Variants in RBFOX3 observed in about 807,000 individuals in gnomAD.
The protein encoded by RBFOX3 is RNA binding fox-1 homolog 3, also known as RNA binding protein fox-1 homolog 3.
RBFOX3 carries 17 observed loss-of-function variants against 48.7 expected under a neutral mutation model. The observed-to-expected ratio is 0.35, with a 90% CI of 0.24 to 0.52. The LOEUF is 0.52. Among genes scored for constraint, RBFOX3 ranks in the 20% least tolerant of loss-of-function variants. The probability of loss-of-function intolerance (pLI) is 0.94; values close to 1 mark genes in which losing one functional copy is unlikely to be tolerated. For missense variants in RBFOX3, 382 were observed against 497.5 expected (o/e 0.77, Z 2.21); for synonymous variants, 212 against 209.5 (o/e 1.01, Z -0.10).
chr17:79,470,254 C>T, intron 2 of RBFOX3, among the ~76,000 whole-genome samples: 1 of 152,222 alleles, frequency 6.6e-6, no homozygotes, highest in East Asian at 1.9e-4. Context: ...CAGTGGCCCA[C>T]ATGTGTGTAC....
intron 2 of RBFOX3, among the ~76,000 whole-genome samples, chr17:79,336,139 C>A (rs141408706): frequency 1.5e-4 from 23 of 152,284 alleles, no homozygotes; most frequent in African/African-American, 4.8e-4. Context: ...GTAATCCCAG[C>A]ACTTTGAGAG....
the RBFOX3 span, among the ~76,000 whole-genome samples, chr17:79,660,971 C>A: frequency 3.3e-5 from 5 of 152,160 alleles, no homozygotes; most frequent in African/African-American, 1.2e-4. Flanking sequence ...GAGAACATGT[C>A]CTTTGCTGGG....
At chr17:79,323,996 G>A (rs561330352) in intron 2 of RBFOX3, among the ~76,000 whole-genome samples, 33 of 152,320 alleles carry the variant, frequency 2.2e-4, no homozygotes, top group Non-Finnish European at 3.1e-4. Context: ...CTGTGGTGTT[G>A]GGTGCAGCAG....
At chr17:79,228,874 G>C (rs1026631732) in intron 4 of RBFOX3, among the ~76,000 whole-genome samples, 1 of 152,084 alleles carries the variant, frequency 6.6e-6, no homozygotes, top group East Asian at 1.9e-4. Context: ...TGAGGCAGGA[G>C]CCTTGCAGTT....
intron 4 of RBFOX3, among the ~76,000 whole-genome samples, chr17:79,156,306 C>T (rs2045784540): frequency 6.6e-6 from 1 of 152,208 alleles, no homozygotes; most frequent in Non-Finnish European, 1.5e-5. Context: ...CTCCATTCTT[C>T]ATCCACCCAG....
chr17:79,528,726 C>T (rs2087203136), intron 1 of RBFOX3, among the ~76,000 whole-genome samples: 1 of 151,970 alleles, frequency 6.6e-6, no homozygotes, highest in South Asian at 2.1e-4. Context: ...GTAAGGCAGC[C>T]ACCGTCACGG....
chr17:79,161,688 C>T (rs555280845), intron 4 of RBFOX3, among the ~76,000 whole-genome samples: 21 of 152,268 alleles, frequency 1.4e-4, no homozygotes, highest in East Asian at 1.2e-3. Context: ...CTCCGCCTCC[C>T]GGGTTCAAGC....
intron 1 of RBFOX3, among the ~76,000 whole-genome samples, chr17:79,511,965 ACC>A (rs2084334860): frequency 5.8e-5 from 8 of 138,768 alleles, no homozygotes; most frequent in African/African-American, 2.2e-4. Flanking sequence ...GCCAGGGGAC[ACC>A]CACCCGGATA....
chr17:79,464,993 C>A (rs1231184547), intron 2 of RBFOX3, among the ~76,000 whole-genome samples: 2 of 152,254 alleles, frequency 1.3e-5, no homozygotes, highest in Non-Finnish European at 2.9e-5. Flanking sequence ...TCTGAGCCCC[C>A]ACCTGCCACA....
chr17:79,117,260 C>G (rs961533999), intron 4 of RBFOX3, among the ~76,000 whole-genome samples: 1 of 152,224 alleles, frequency 6.6e-6, no homozygotes, highest in African/African-American at 2.4e-5. Context: ...AGGACCCCTG[C>G]TCAGATGTGG....
At chr17:79,306,925 A>C (rs2145561353) in intron 3 of RBFOX3, among the ~76,000 whole-genome samples, 1 of 152,332 alleles carries the variant, frequency 6.6e-6, no homozygotes, top group East Asian at 1.9e-4. Context: ...GGGGCCCGAC[A>C]TCCACGACTC....
At chr17:79,369,592 C>T (rs1170253279) in intron 2 of RBFOX3, among the ~76,000 whole-genome samples, 1 of 152,154 alleles carries the variant, frequency 6.6e-6, no homozygotes, top group Non-Finnish European at 1.5e-5. Flanking sequence ...TGGTGTTGCT[C>T]TGGTTAGCGT....
At chr17:79,272,165 A>G (rs899086603) in intron 3 of RBFOX3, among the ~76,000 whole-genome samples, 5 of 152,174 alleles carry the variant, frequency 3.3e-5, no homozygotes, top group African/African-American at 9.7e-5. Flanking sequence ...GAAACAGTCC[A>G]GGCTTAGAGA....
At chr17:79,329,088 C>T (rs1424097851) in intron 2 of RBFOX3, among the ~76,000 whole-genome samples, 2 of 152,154 alleles carry the variant, frequency 1.3e-5, no homozygotes, top group Middle Eastern at 3.2e-3. Flanking sequence ...AAGATAGTCC[C>T]CACCCCACCC....
Position 79,473,813 on chromosome 17 carries a change from C to A in RBFOX3, c.-175+8641G>T, listed in dbSNP as rs1467073120. On this transcript the variant is annotated intron_variant, in intron 2 of 14. Coordinates refer to ENST00000693108, the MANE Select transcript of RBFOX3 (RefSeq NM_001350451.2). The surrounding 1 kb of genome is among the most constrained non-coding windows in gnomAD (Gnocchi z 4.2). ...TATTCTGTTCCGCCTCCATTTTTCT[C>A]CTCCTCCTAAAAGCACACACACACA... 3.3e-5 allele frequency among the ~76,000 whole-genome samples: 5 copies of A among 152,088 alleles called. No individual in the cohort carries two copies. The highest frequency in any genetic ancestry group is 1.2e-4 in the African/African-American group (5 of 41,396).
At chr17:79,166,438 A>G (rs1266587462) in intron 4 of RBFOX3, among the ~76,000 whole-genome samples, 1 of 151,734 alleles carries the variant, frequency 6.6e-6, no homozygotes, top group Non-Finnish European at 1.5e-5. Context: ...CCAAGATCAA[A>G]AGACTTAAGT....
chr17:79,579,352 C>T (rs2092969382), intron 1 of RBFOX3, among the ~76,000 whole-genome samples: 1 of 152,236 alleles, frequency 6.6e-6, no homozygotes, highest in Non-Finnish European at 1.5e-5. Context: ...TGGGAGGCAA[C>T]ATCACATCAG....
intron 4 of RBFOX3, among the ~76,000 whole-genome samples, chr17:79,227,810 C>T (rs1323442585): frequency 6.6e-6 from 1 of 152,176 alleles, no homozygotes; most frequent in Non-Finnish European, 1.5e-5. Flanking sequence ...TTGGTTTTTC[C>T]TTCTGAGCTG....
At chr17:79,184,507 C>G (rs964290663) in intron 4 of RBFOX3, among the ~76,000 whole-genome samples, 1 of 152,202 alleles carries the variant, frequency 6.6e-6, no homozygotes, top group Non-Finnish European at 1.5e-5. Flanking sequence ...CACACACCCA[C>G]TGGCCTGCCC....
Sources: gnomAD v4.1 joint callset for allele counts (sites outside exome capture counted in the v4.1 genomes callset) on GRCh38, gnomAD v4.1.1 for gene constraint, Gnocchi (gnomAD v3.1) non-coding constraint, MANE v1.5 for transcripts, NCBI Gene and HGNC (gene_info 2026-07-23, HGNC 2026-07-21) for gene names.